Variants in ATF7IP observed in about 807,000 individuals in gnomAD.
ATF7IP encodes activating transcription factor 7-interacting protein 1.
ATF7IP carries 23 observed loss-of-function variants against 106.4 expected under a neutral mutation model. The observed-to-expected ratio is 0.22, with a 90% CI of 0.16 to 0.31. The LOEUF (loss-of-function observed/expected upper bound fraction) is 0.31, where lower values mean the gene tolerates loss of function less well. ATF7IP is among the 10% of genes least tolerant of loss of function. The pLI is 1.00. For synonymous variants in ATF7IP, 542 were observed against 539.0 expected (o/e 1.01, Z -0.08); for missense variants, 1,334 against 1,524.3 (o/e 0.88, Z 2.08).
intron 6 of ATF7IP, among the ~76,000 whole-genome samples, chr12:14,454,538 A>G (rs1338813963): frequency 6.6e-6 from 1 of 152,176 alleles, no homozygotes; most frequent in Non-Finnish European, 1.5e-5. Flanking sequence ...CTGATGTAGA[A>G]GCTGTGTTGG....
At chr12:14,403,874 C>G (rs1314203812) in intron 1 of ATF7IP, among the ~76,000 whole-genome samples, 1 of 152,204 alleles carries the variant, frequency 6.6e-6, no homozygotes, top group Admixed American at 6.5e-5. Flanking sequence ...CTGAACTCAG[C>G]ATGCTGCTGT....
intron 1 of ATF7IP, among the ~76,000 whole-genome samples, chr12:14,390,079 A>G (rs1939462823): frequency 6.6e-6 from 1 of 152,202 alleles, no homozygotes; most frequent in Non-Finnish European, 1.5e-5. Context: ...TCTCTTGCCC[A>G]CCTCTGGTCC....
At chr12:14,497,584 G>T in intron 14 of ATF7IP, 70 bp from the exon 15 acceptor site, 1 of 1,428,128 alleles carries the variant, frequency 7.0e-7, no homozygotes, top group South Asian at 1.3e-5. Context: ...TCTCTAAGGT[G>T]TTTTAATTCT....
Position 14,498,032 on chromosome 12 carries a change from C to T in ATF7IP, c.3772C>T (p.Pro1258Ser), listed in dbSNP as rs1226576049. The T allele has an allele frequency of 1.2e-6, 2 of 1,611,960 alleles. No individual in the cohort carries two copies. Among genetic ancestry groups the T allele is most frequent in the Non-Finnish European group, 1.7e-6 (2 of 1,178,212 alleles). The change falls in exon 15 of 15, where the codon CCT becomes TCT. Residue 1258 changes from proline to serine, a missense_variant. Pro to Ser is a moderately conservative substitution (Grantham distance 74, BLOSUM62 -1). Around this residue, in one of 10 missense-constraint regions of ATF7IP, gnomAD observed 80 missense variants for 157.0 expected, o/e 0.51. Coordinates refer to ENST00000261168, the MANE Select transcript of ATF7IP (RefSeq NM_018179.5). The stretch of plus-strand genomic sequence containing the variant: ...TGGACGTTTTGGGCCTTTCTGTGAT[C>T]CTCAGTCAACAGATGTGATCTCTTC... ...IYGRFGPFCD[P>S]QSTDVISSTQ...
rs1249168256 is a variant in ATF7IP, at chr12:14,439,833, C to T, written c.1929+1566C>T. 2.1e-5 allele frequency among the ~76,000 whole-genome samples: 3 copies of T among 140,050 alleles called. No homozygotes were observed. The Admixed American group carries it at 2.3e-4, about 11-fold the overall frequency. 91.9% of individuals were successfully genotyped at this position (140,050 alleles called of 152,430 possible). ...GGGCAACAGAGTGAGACTCTGTCTC[C>T]AAAATAAATCCATCCATCCATCCAT... On this transcript the variant is annotated intron_variant, in intron 5 of 14. Transcript: ENST00000261168.
chr12:14,455,993 G>T (rs543043589), intron 6 of ATF7IP, among the ~76,000 whole-genome samples: 2 of 152,056 alleles, frequency 1.3e-5, no homozygotes, highest in African/African-American at 4.8e-5. Flanking sequence ...CCCTGGTTTT[G>T]GGGGGAAAGG....
intron 2 of ATF7IP, among the ~76,000 whole-genome samples, chr12:14,429,576 A>G (rs1218365046): frequency 1.3e-5 from 2 of 152,174 alleles, no homozygotes; most frequent in East Asian, 1.9e-4. Flanking sequence ...TTTAAGGTAA[A>G]TAAAATAAAC....
At chr12:14,474,030 C>T (rs1014982717) in intron 10 of ATF7IP, among the ~76,000 whole-genome samples, 1 of 151,812 alleles carries the variant, frequency 6.6e-6, no homozygotes, top group Admixed American at 6.6e-5. Context: ...CGTTGAACCT[C>T]TTGGATTTGT....
At chr12:14,474,540 A>G (rs752850493) in intron 10 of ATF7IP, among the ~76,000 whole-genome samples, 13 of 151,844 alleles carry the variant, frequency 8.6e-5, no homozygotes, top group Non-Finnish European at 1.3e-4. Flanking sequence ...AGCTGGGACT[A>G]TAGACACCCA....
chr12:14,438,183 T>C lies in ATF7IP; in HGVS notation c.1845T>C (p.Phe615=). The C allele has an allele frequency of 1.2e-6, 2 of 1,613,414 alleles. No individual in the cohort carries two copies. The highest frequency in any genetic ancestry group is 1.3e-5 in the African/African-American group (1 of 75,032). ...EKLCALQCAV[F]DKTLAELKTR... is the part of the protein sequence containing the mutation. ...TGTGTGCGCTGCAGTGTGCTGTATTTGATAAGACTTTGGCAGAATTGAAAA... is the reference window on the plus strand; with the variant it reads ...TGTGTGCGCTGCAGTGTGCTGTATTCGATAAGACTTTGGCAGAATTGAAAA... Residue 615 remains phenylalanine (F), a synonymous_variant, in exon 5 of 15, where the codon TTT becomes TTC. Transcript: ENST00000261168.
chr12:14,478,298 T>G lies in ATF7IP; in HGVS notation c.2942-19T>G, dbSNP rs1281991170. 9 of 1,609,782 alleles carry G rather than the reference T, an allele frequency of 5.6e-6. No homozygotes were observed. The highest frequency in any genetic ancestry group is 7.6e-6 in the Non-Finnish European group (9 of 1,176,822). On this transcript the variant is annotated intron_variant, in intron 11 of 14. Coordinates refer to ENST00000261168, the MANE Select transcript of ATF7IP (RefSeq NM_018179.5). ...GATTTTTTTCTTGTCAGTCATAATA[T>G]TTCACTTTTAACTAACAGACCCCAA...
At chr12:14,384,760 T>G (rs1331666150) in intron 1 of ATF7IP, among the ~76,000 whole-genome samples, 1 of 152,172 alleles carries the variant, frequency 6.6e-6, no homozygotes, top group East Asian at 1.9e-4. Context: ...GAGAAAATCT[T>G]TAGCCTTCTA....
chr12:14,461,220 C>T (rs1002809627), intron 9 of ATF7IP, 87 bp downstream of exon 9: 25 of 1,203,258 alleles, frequency 2.1e-5, no homozygotes, highest in Admixed American at 2.4e-5. Context: ...AAGTGGCTAG[C>T]GTTATTGGAA....
At chr12:14,423,574 C>CTTTTTTTTTTTTTTTTTTTTTTTTT in intron 1 of ATF7IP, among the ~76,000 whole-genome samples, 40 of 34,390 alleles carry the variant, frequency 1.2e-3, no homozygotes, top group Non-Finnish European at 1.3e-3. Context: ...TCTTCAGGTA[C>CTTTTTTTTTTTTTTTTTTTTTTTTT]TTTTTTTTTT....
At chr12:14,459,750 G>A (rs1419392630) in intron 8 of ATF7IP, among the ~76,000 whole-genome samples, 4 of 152,200 alleles carry the variant, frequency 2.6e-5, no homozygotes, top group African/African-American at 9.6e-5. Context: ...TGAGAAAGAA[G>A]TTTGGTCATG....
At chr12:14,408,172 A>C (rs963682155) in intron 1 of ATF7IP, among the ~76,000 whole-genome samples, 4 of 151,952 alleles carry the variant, frequency 2.6e-5, no homozygotes, top group African/African-American at 9.7e-5. Context: ...ATGTTTCTTG[A>C]AAGTGGCCCA....
At chr12:14,439,594 G>T (rs1565513302) in intron 5 of ATF7IP, among the ~76,000 whole-genome samples, 1 of 152,192 alleles carries the variant, frequency 6.6e-6, no homozygotes, top group Non-Finnish European at 1.5e-5. Context: ...ACTTTAGGAG[G>T]CTGAGGAAGG....
At chr12:14,434,629 C>T (rs1942311946) in intron 3 of ATF7IP, among the ~76,000 whole-genome samples, 1 of 152,130 alleles carries the variant, frequency 6.6e-6, no homozygotes, top group African/African-American at 2.4e-5. Context: ...TTTATTTATA[C>T]TTTTTATTGT....
intron 10 of ATF7IP, among the ~76,000 whole-genome samples, chr12:14,468,648 G>C (rs1181130750): frequency 2.6e-5 from 4 of 152,192 alleles, no homozygotes; most frequent in Non-Finnish European, 5.9e-5. Context: ...CAAGCAGTTT[G>C]AGCAGCTAGC....
Sources: allele counts gnomAD v4.1 joint callset (sites outside exome capture counted in the v4.1 genomes callset), GRCh38; gene constraint gnomAD v4.1.1; regional missense constraint gnomAD v4.1.1; transcripts MANE v1.5; gene names NCBI Gene and HGNC (gene_info 2026-07-23, HGNC 2026-07-21).